SLC35F2: variants seen among roughly 807,000 people sequenced by gnomAD.
SLC35F2 encodes the protein solute carrier family 35 member F2, also known as queuine/queuosine transporter SLC35F2.
A neutral mutation model predicts 38.1 loss-of-function variants in SLC35F2; 25 were observed. The ratio of observed to expected loss-of-function variants is 0.66; its 90% CI spans 0.48 to 0.92. The LOEUF (loss-of-function observed/expected upper bound fraction) is 0.92, where lower values mean the gene tolerates loss of function less well. Among genes scored for constraint, SLC35F2 ranks in the 40% least tolerant of loss-of-function variants. The probability of loss-of-function intolerance (pLI) is 0.00; values close to 1 mark genes in which losing one functional copy is unlikely to be tolerated. For missense variants in SLC35F2, 409 were observed against 452.9 expected (o/e 0.90, Z 0.88); for synonymous variants, 173 against 181.7 (o/e 0.95, Z 0.38).
chr11:107,848,131 T>TG (rs1315500228), intron 1 of SLC35F2, among the ~76,000 whole-genome samples: 2 of 152,302 alleles, frequency 1.3e-5, no homozygotes, highest in East Asian at 3.9e-4. Flanking sequence ...TGGTGATGAT[T>TG]GCACAGTATT....
intron 3 of SLC35F2, chr11:107,809,635 A>T: frequency 2.1e-6 from 2 of 949,986 alleles, no homozygotes; most frequent in African/African-American, 3.6e-5. Flanking sequence ...CCTTCTCAGA[A>T]AAAAAAAAAG....
At chr11:107,843,652 C>G (rs1860047162) in intron 1 of SLC35F2, among the ~76,000 whole-genome samples, 1 of 151,042 alleles carries the variant, frequency 6.6e-6, no homozygotes, top group South Asian at 2.1e-4. Flanking sequence ...GCCAGGTGTT[C>G]AAGATCAGCC....
At chr11:107,845,120 T>C (rs1860085546) in intron 1 of SLC35F2, among the ~76,000 whole-genome samples, 1 of 152,096 alleles carries the variant, frequency 6.6e-6, no homozygotes, top group Non-Finnish European at 1.5e-5. Context: ...AGTGAAAAGC[T>C]TAGGAAATGC....
In SLC35F2 at chr11:107,858,762, C is replaced by G. The variant is rs2134876421; in HGVS notation, c.6G>C (p.Glu2Asp). The G allele has an allele frequency of 7.9e-7, 1 of 1,264,828 alleles. No individual in the cohort carries two copies. The highest frequency in any genetic ancestry group is 3.0e-5 in the East Asian group (1 of 33,264). 78.4% of individuals were successfully genotyped at this position (1,264,828 alleles called of 1,614,324 possible). The change falls in exon 1 of 8, where the codon GAG becomes GAC. Residue 2 changes from glutamate (E) to aspartate (D), a missense_variant. By Grantham distance (45) the Glu-to-Asp change is conservative. Transcript: ENST00000525815. Reference sequence around the variant, plus strand: ...CGCCGGGGCCCGCTGGCGAGTCTGCCTCCATCGGCGCCCTTGCGCGTCTCC... The same window carrying G: ...CGCCGGGGCCCGCTGGCGAGTCTGCGTCCATCGGCGCCCTTGCGCGTCTCC... M[E>D]ADSPAGPGAP...
At chr11:107,833,380 G>T (rs1199008747) in intron 1 of SLC35F2, among the ~76,000 whole-genome samples, 1 of 152,034 alleles carries the variant, frequency 6.6e-6, no homozygotes, top group Non-Finnish European at 1.5e-5. Flanking sequence ...TTAGCCAGGC[G>T]TGGTCGCACA....
intron 5 of SLC35F2, 152 bp downstream of exon 5, chr11:107,805,207 T>A: frequency 1.4e-6 from 2 of 1,397,820 alleles, no homozygotes; most frequent in African/African-American, 1.5e-5. Flanking sequence ...CTCAGCAAGT[T>A]ATTAGGTAAT....
At chr11:107,817,043 C>T (rs191126963) in intron 1 of SLC35F2, among the ~76,000 whole-genome samples, 2 of 152,138 alleles carry the variant, frequency 1.3e-5, no homozygotes, top group Non-Finnish European at 2.9e-5. Context: ...TTTGGGAGGC[C>T]GAGGCAGGCA....
intron 7 of SLC35F2, among the ~76,000 whole-genome samples, chr11:107,800,467 A>G (rs1179869341): frequency 6.6e-6 from 1 of 152,202 alleles, no homozygotes; most frequent in Non-Finnish European, 1.5e-5. Context: ...GAAGAAAGAT[A>G]GTTAATAACC....
intron 1 of SLC35F2, chr11:107,821,702 T>A: frequency 1.2e-6 from 1 of 818,492 alleles, no homozygotes; most frequent in Non-Finnish European, 1.5e-6. Flanking sequence ...CCTTGGGATA[T>A]ATCCTGTCCC....
chr11:107,803,409 C>T (rs1859344663), intron 6 of SLC35F2: 2 of 985,316 alleles, frequency 2.0e-6, no homozygotes, highest in Non-Finnish European at 2.4e-6. Context: ...GAAAATCCTG[C>T]TTATGGTGTG....
Position 107,792,392 on chromosome 11 carries a change from T to C in SLC35F2, c.*223A>G. On this transcript the variant is annotated 3_prime_UTR_variant, in exon 8 of 8. Transcript: ENST00000525815. ...CTCATCTCCTCAACACGAACAGATA[T>C]TGGTCCTCAAACACAGAAACACACT... The C allele has an allele frequency of 4.1e-6, 2 of 484,150 alleles. No individual in the cohort carries two copies. Among genetic ancestry groups the C allele is most frequent in the South Asian group, 5.7e-5 (2 of 35,100 alleles). 30.0% of individuals were successfully genotyped at this position (484,150 alleles called of 1,614,324 possible).
At chr11:107,845,289 T>C (rs545794697) in intron 1 of SLC35F2, among the ~76,000 whole-genome samples, 2 of 152,226 alleles carry the variant, frequency 1.3e-5, no homozygotes, top group Non-Finnish European at 2.9e-5. Flanking sequence ...TACCCTTACA[T>C]TTTTAAGAAA....
At position 107,792,669 on chromosome 11, in the gene SLC35F2, G is replaced by A; in HGVS notation, c.1071C>T (p.Asn357=). 2 of 1,613,822 alleles carry A rather than the reference G, an allele frequency of 1.2e-6. No individual in the cohort carries two copies. The highest frequency in any genetic ancestry group is 1.7e-6 in the Non-Finnish European group (2 of 1,179,908). ...VPPVTSIGID[N]LGLKLEENLQ... ...GGTTCTCCTCCAGCTTCAGCCCCAG[G>A]TTGTCAATCCCAATGCTGGTGACTG... The change falls in exon 8 of 8, where the codon AAC becomes AAT. Residue 357 remains asparagine, a synonymous_variant. Transcript: ENST00000525815.
intron 7 of SLC35F2, among the ~76,000 whole-genome samples, chr11:107,797,545 A>C (rs577162220): frequency 8.4e-4 from 127 of 151,488 alleles, no homozygotes; most frequent in Middle Eastern, 6.8e-3. Context: ...AAAAATTAAA[A>C]AAAAGCAAGA....
At chr11:107,795,759 C>T (rs372445417) in intron 7 of SLC35F2, among the ~76,000 whole-genome samples, 137 of 152,260 alleles carry the variant, frequency 9.0e-4, no homozygotes, top group Admixed American at 3.6e-3. Flanking sequence ...ATCAAAGCCA[C>T]AATAAGATAT....
intron 2 of SLC35F2, among the ~76,000 whole-genome samples, chr11:107,812,994 G>A (rs1859506083): frequency 6.6e-6 from 1 of 152,130 alleles, no homozygotes; most frequent in African/African-American, 2.4e-5. Context: ...CAAATTAATT[G>A]GATTCACTAC....
intron 1 of SLC35F2, among the ~76,000 whole-genome samples, chr11:107,851,436 C>A (rs1860183505): frequency 6.8e-6 from 1 of 147,492 alleles, no homozygotes; most frequent in Non-Finnish European, 1.5e-5. Context: ...CCACTCCAGC[C>A]TGGGTGACAA....
At chr11:107,816,168 C>T in intron 1 of SLC35F2, 2 of 985,276 alleles carry the variant, frequency 2.0e-6, no homozygotes, top group Non-Finnish European at 2.4e-6. Flanking sequence ...TTTCTGATCC[C>T]CTCCATTCCC....
chr11:107,802,614 T>C (rs866761178), intron 7 of SLC35F2, among the ~76,000 whole-genome samples: 98 of 152,358 alleles, frequency 6.4e-4, no homozygotes, highest in African/African-American at 2.1e-3. Flanking sequence ...TACTCCAGAC[T>C]TTTTGTCTCT....
Sources: gnomAD v4.1 joint callset for allele counts (sites outside exome capture counted in the v4.1 genomes callset) on GRCh38, gnomAD v4.1.1 for gene constraint, MANE v1.5 for transcripts, NCBI Gene and HGNC (gene_info 2026-07-23, HGNC 2026-07-21) for gene names.